The following CDK5RAP2 variants were observed in gnomAD, a reference collection of about 807,000 sequenced individuals.
CDK5RAP2 encodes the protein CDK5 regulatory subunit associated protein 2.
Under a neutral mutation model 232.9 loss-of-function variants are expected in CDK5RAP2, and 147 were observed. That is an observed-to-expected ratio of 0.63 (90% CI 0.55 to 0.72). CDK5RAP2 has a LOEUF of 0.72. CDK5RAP2 is among the 30% of genes least tolerant of loss of function. The pLI is 0.00. For missense variants in CDK5RAP2, 2,195 were observed against 2,231.5 expected, an observed-to-expected ratio of 0.98 and a Z score of 0.33; for synonymous variants, 833 against 833.7, an observed-to-expected ratio of 1.00 and a Z score of 0.01.
chr9:120,424,946 C>G (rs2034799000), intron 25 of CDK5RAP2, among the ~76,000 whole-genome samples: 1 of 152,150 alleles, frequency 6.6e-6, no homozygotes, highest in Non-Finnish European at 1.5e-5. Context: ...ATCCACCTGC[C>G]TTGACCTCCC....
Position 120,539,146 on chromosome 9 carries a change from T to A in CDK5RAP2, c.402A>T (p.Leu134Phe), listed in dbSNP as rs201379457. ...LIKASKAVES[L>F]AEAGGSEIQR... Reference sequence around the variant, plus strand: ...GGATTTCAGAGCCACCTGCTTCAGCTAAGCTCTCAACTGCTTTGCTGCAAA... The same window carrying A: ...GGATTTCAGAGCCACCTGCTTCAGCAAAGCTCTCAACTGCTTTGCTGCAAA... The change falls in exon 6 of 38, where the codon TTA (leucine) becomes TTT (phenylalanine). Residue 134 changes from leucine (L) to phenylalanine (F), a missense_variant. By Grantham distance (22) the Leu-to-Phe change is conservative. Coordinates refer to ENST00000349780, the MANE Select transcript of CDK5RAP2 (RefSeq NM_018249.6). The A allele has an allele frequency of 1.9e-6, 3 of 1,613,980 alleles. No homozygotes were observed. Among genetic ancestry groups the A allele is most frequent in the Non-Finnish European group, 2.5e-6 (3 of 1,179,868 alleles).
intron 7 of CDK5RAP2, among the ~76,000 whole-genome samples, chr9:120,530,366 C>T (rs2041096631): frequency 6.6e-6 from 1 of 152,170 alleles, no homozygotes; most frequent in African/African-American, 2.4e-5. Context: ...CAACTCTGAG[C>T]TTCTGGACTC....
Position 120,550,786 on chromosome 9 carries a change from A to C in CDK5RAP2, c.306+6T>G. ...AAGGGACAGTAATGAGAAATGGGCCACTCACAGTTTTGTAGATATGTTCAG... is the reference window on the plus strand; with the variant it reads ...AAGGGACAGTAATGAGAAATGGGCCCCTCACAGTTTTGTAGATATGTTCAG... On this transcript the variant is annotated splice_donor_region_variant and intron_variant, in intron 4 of 37. Transcript: ENST00000349780. 1 of 1,492,716 alleles carries C rather than the reference A, an allele frequency of 6.7e-7. No individual in the cohort carries two copies. The highest frequency in any genetic ancestry group is 9.4e-7 in the Non-Finnish European group (1 of 1,068,978). The allele number at this position is 1,492,716 out of a possible 1,614,324, so 92.5% of individuals were successfully genotyped here. A position where few individuals can be genotyped will look rare whatever the true frequency, so the allele number is the denominator to read the frequency against.
chr9:120,540,661 A>G (rs1444050213), intron 5 of CDK5RAP2, among the ~76,000 whole-genome samples: 1 of 152,186 alleles, frequency 6.6e-6, no homozygotes, highest in African/African-American at 2.4e-5. Flanking sequence ...TTTTTACTCT[A>G]TTATGTCCTC....
At chr9:120,425,108 A>G (rs2034812695) in intron 25 of CDK5RAP2, among the ~76,000 whole-genome samples, 1 of 152,164 alleles carries the variant, frequency 6.6e-6, no homozygotes, top group Admixed American at 6.5e-5. Flanking sequence ...TAGACCCATC[A>G]AAAACCTCTC....
At chr9:120,577,926 G>C (rs962600563) in intron 1 of CDK5RAP2, among the ~76,000 whole-genome samples, 2 of 152,176 alleles carry the variant, frequency 1.3e-5, no homozygotes, top group African/African-American at 4.8e-5. Context: ...GCAATAAGCA[G>C]CATTAAAAGT....
chr9:120,487,423 T>C lies in CDK5RAP2; in HGVS notation c.1497A>G (p.Lys499=), dbSNP rs2038671324. The change falls in exon 14 of 38, where the codon AAA becomes AAG. Residue 499 remains lysine (K), a synonymous_variant. Transcript: ENST00000349780. Reference sequence around the variant, plus strand: ...AGTTCTGCTGTATTACTTCCAAATCTTTTTCATTGAATTTCTAATGAAATA... The same window carrying C: ...AGTTCTGCTGTATTACTTCCAAATCCTTTTCATTGAATTTCTAATGAAATA... ...KDVLLQKFNE[K]DLEVIQQNCY... The C allele has an allele frequency of 6.2e-7, 1 of 1,604,956 alleles. No homozygotes were observed. Among genetic ancestry groups the C allele is most frequent in the Non-Finnish European group, 8.5e-7 (1 of 1,176,362 alleles).
chr9:120,493,963 A>T (rs2131650217), intron 12 of CDK5RAP2, among the ~76,000 whole-genome samples: 1 of 152,282 alleles, frequency 6.6e-6, no homozygotes, highest in African/African-American at 2.4e-5. Flanking sequence ...ATGGTGGCAC[A>T]TGCCAATAAT....
chr9:120,432,517 T>C (rs1001164112), intron 25 of CDK5RAP2, among the ~76,000 whole-genome samples: 1 of 152,214 alleles, frequency 6.6e-6, no homozygotes, highest in Non-Finnish European at 1.5e-5. Flanking sequence ...GCTTGTTTCA[T>C]AATTCAAGAG....
In CDK5RAP2 at chr9:120,408,322, C is replaced by A. The variant is rs760162988; in HGVS notation, c.4726+25G>T. 1.9e-6 allele frequency: 3 copies of A among 1,613,490 alleles called. No individual in the cohort carries two copies. The Admixed American group carries it at 5.0e-5, about 27-fold the overall frequency. ...GTCTTACAGCCCAAAGCACAGTAGC[C>A]TCAAGGTGAGAAGGGCCTCAGTACC... On this transcript the variant is annotated intron_variant, in intron 31 of 37. Transcript: ENST00000349780.
At chr9:120,529,659 C>G (rs2041060749) in intron 8 of CDK5RAP2, among the ~76,000 whole-genome samples, 1 of 152,172 alleles carries the variant, frequency 6.6e-6, no homozygotes, top group African/African-American at 2.4e-5. Flanking sequence ...AAACAATGCA[C>G]CACAACTGTA....
At chr9:120,545,680 G>T in intron 5 of CDK5RAP2, 34 bp downstream of exon 5, 1 of 1,546,778 alleles carries the variant, frequency 6.5e-7, no homozygotes, top group South Asian at 1.1e-5. Flanking sequence ...CAGTGTGGGC[G>T]ACTTGCAAGC....
Position 120,415,134 on chromosome 9 carries a change from T to C in CDK5RAP2, c.4203A>G (p.Glu1401=). The change falls in exon 28 of 38, where the codon GAA becomes GAG. Residue 1401 remains glutamate (E), a synonymous_variant. Coordinates refer to ENST00000349780, the MANE Select transcript of CDK5RAP2 (RefSeq NM_018249.6). ...CTAAACGCTTTCTCAAAGTTCGAAT[T>C]TCCTGTATGTGTTCCATTAGTAAGT... ...SQDLLMEHIQ[E]IRTLRKRLEE... The C allele has an allele frequency of 6.2e-7, 1 of 1,614,190 alleles. No individual in the cohort carries two copies. Among genetic ancestry groups the C allele is most frequent in the South Asian group, 1.1e-5 (1 of 91,086 alleles).
chr9:120,477,410 A>G lies in CDK5RAP2; in HGVS notation c.1667T>C (p.Val556Ala). Residue 556 changes from valine (V) to alanine (A), a missense_variant, in exon 15 of 38, where the codon GTC becomes GCC. Transcript: ENST00000349780. ...QSSDYEELIQ[V>A]LKKEQDIYTH... Reference sequence around the variant, plus strand: ...ATAGATGTCCTGCTCTTTCTTTAAGACCTGAATCAGCTCTTCATAGTCTGA... The same window carrying G: ...ATAGATGTCCTGCTCTTTCTTTAAGGCCTGAATCAGCTCTTCATAGTCTGA... 6.2e-7 allele frequency: 1 copy of G among 1,613,978 alleles called. No individual in the cohort carries two copies.
At position 120,439,429 on chromosome 9, in the gene CDK5RAP2, T is replaced by G. The variant is rs1403462290; in HGVS notation, c.3692A>C (p.Gln1231Pro). 1.2e-6 allele frequency: 2 copies of G among 1,614,154 alleles called. No homozygotes were observed. The stretch of plus-strand genomic sequence containing the variant: ...AGGTGAGAGATCTCTGAACTTATTC[T>G]GCAGATTATGGATCTCACTGAAAAG... ...MQLFSEIHNL[Q>P]NKFRDLSPPR... Residue 1231 changes from glutamine (Q) to proline (P), a missense_variant, in exon 24 of 38, where the codon CAG becomes CCG. Coordinates refer to ENST00000349780, the MANE Select transcript of CDK5RAP2 (RefSeq NM_018249.6).
At chr9:120,558,031 G>T (rs2132105104) in intron 3 of CDK5RAP2, among the ~76,000 whole-genome samples, 2 of 146,372 alleles carry the variant, frequency 1.4e-5, no homozygotes, top group East Asian at 4.4e-4. Flanking sequence ...CTCCCAAAGT[G>T]CTGGGATTAC....
intron 28 of CDK5RAP2, among the ~76,000 whole-genome samples, chr9:120,411,972 C>CAA (rs991393852): frequency 2.7e-5 from 3 of 112,838 alleles, no homozygotes; most frequent in Admixed American, 2.5e-4. Context: ...ACTGCCCAGT[C>CAA]AAGCAATCAT....
chr9:120,453,991 A>C, intron 20 of CDK5RAP2, 118 bp from the exon 21 acceptor site: 1 of 1,022,502 alleles, frequency 9.8e-7, no homozygotes, highest in Non-Finnish European at 1.5e-6. Context: ...AAAACTAAAT[A>C]CAGTGTGTAC....
intron 5 of CDK5RAP2, among the ~76,000 whole-genome samples, chr9:120,542,826 C>T (rs962078748): frequency 6.6e-6 from 1 of 152,104 alleles, no homozygotes; most frequent in East Asian, 1.9e-4. Context: ...AAGTGTTAAA[C>T]ATAGAGTATT....
Sources: gnomAD v4.1 joint callset for allele counts (sites outside exome capture counted in the v4.1 genomes callset) on GRCh38, gnomAD v4.1.1 for gene constraint, MANE v1.5 for transcripts, NCBI Gene and HGNC (gene_info 2026-07-23, HGNC 2026-07-21) for gene names.